Variants in MGMT observed in about 807,000 individuals in gnomAD.
MGMT encodes O-6-methylguanine-DNA methyltransferase.
MGMT carries 14 observed loss-of-function variants against 15.9 expected under a neutral mutation model. The observed-to-expected ratio is 0.88, with a 90% CI of 0.58 to 1.37. The LOEUF (loss-of-function observed/expected upper bound fraction) is 1.37, where lower values mean the gene tolerates loss of function less well. Ranked by LOEUF, MGMT falls within the 40% of genes most tolerant of loss-of-function variation. The pLI, the probability that MGMT is intolerant of heterozygous loss-of-function variation, is 0.00. For missense variants in MGMT, 282 were observed against 268.1 expected, an observed-to-expected ratio of 1.05 and a Z score of -0.36; for synonymous variants, 130 against 118.2, an observed-to-expected ratio of 1.10 and a Z score of -0.65.
intron 2 of MGMT, among the ~76,000 whole-genome samples, chr10:129,538,440 G>T: frequency 6.6e-6 from 1 of 152,220 alleles, no homozygotes; most frequent in South Asian, 2.1e-4. Context: ...TCCACTAGCA[G>T]TGTGTGAGTT....
chr10:129,736,662 G>A (rs1402078485), intron 3 of MGMT, among the ~76,000 whole-genome samples: 1 of 152,046 alleles, frequency 6.6e-6, no homozygotes, highest in African/African-American at 2.4e-5. Flanking sequence ...AGTCTTGATG[G>A]TCTACATTTT....
At chr10:129,590,131 C>T (rs1389374724) in intron 2 of MGMT, among the ~76,000 whole-genome samples, 1 of 152,190 alleles carries the variant, frequency 6.6e-6, no homozygotes, top group African/African-American at 2.4e-5. Flanking sequence ...GTTAGGCAGG[C>T]GGGGGCTCTG....
chr10:129,495,811 T>A (rs1476950185), intron 1 of MGMT, among the ~76,000 whole-genome samples: 1 of 152,238 alleles, frequency 6.6e-6, no homozygotes, highest in Non-Finnish European at 1.5e-5. Flanking sequence ...CAGAACTTCA[T>A]CAGGATGTAA....
intron 1 of MGMT, among the ~76,000 whole-genome samples, chr10:129,518,316 G>A (rs1845761608): frequency 1.6e-5 from 2 of 128,650 alleles, no homozygotes; most frequent in Admixed American, 7.9e-5. Flanking sequence ...TCTAAATGAT[G>A]TGTGTACAGA....
intron 2 of MGMT, among the ~76,000 whole-genome samples, chr10:129,679,717 A>G (rs1847826370): frequency 6.6e-6 from 1 of 152,194 alleles, no homozygotes; most frequent in African/African-American, 2.4e-5. Flanking sequence ...GCATTGGTGC[A>G]TTGAGGACTT....
chr10:129,750,252 A>G (rs1466818223), intron 3 of MGMT, among the ~76,000 whole-genome samples: 1 of 152,162 alleles, frequency 6.6e-6, no homozygotes, highest in Non-Finnish European at 1.5e-5. Flanking sequence ...TTTTAGATTT[A>G]GGTCCATGAT....
chr10:129,742,458 G>A (rs973186852), intron 3 of MGMT, among the ~76,000 whole-genome samples: 5 of 151,798 alleles, frequency 3.3e-5, no homozygotes, highest in East Asian at 1.9e-4. Context: ...CCTCAGGGCC[G>A]GGGCATTCAG....
At chr10:129,467,547 G>C (rs1164045134) in intron 1 of MGMT, 2 of 605,428 alleles carry the variant, frequency 3.3e-6, no homozygotes, top group East Asian at 1.4e-4. Context: ...GGCGGGGGTC[G>C]TGGCAGCCCC....
intron 2 of MGMT, among the ~76,000 whole-genome samples, chr10:129,678,783 T>G (rs990835407): frequency 4.6e-5 from 7 of 152,056 alleles, no homozygotes; most frequent in African/African-American, 1.7e-4. Context: ...AAGGGACTGT[T>G]AGGAAGAGCC....
intron 1 of MGMT, among the ~76,000 whole-genome samples, chr10:129,521,322 G>C (rs554657509): frequency 5.1e-4 from 77 of 152,254 alleles, no homozygotes; most frequent in Non-Finnish European, 7.6e-4. Context: ...TGCAGGGTGA[G>C]TTCAGGGAAG....
At chr10:129,609,504 C>T (rs977715593) in intron 2 of MGMT, among the ~76,000 whole-genome samples, 3 of 152,160 alleles carry the variant, frequency 2.0e-5, no homozygotes, top group Non-Finnish European at 2.9e-5. Context: ...TAACCCTAGG[C>T]GGTAGGTGTT....
chr10:129,661,397 C>G (rs774562184), intron 2 of MGMT, among the ~76,000 whole-genome samples: 28 of 152,142 alleles, frequency 1.8e-4, no homozygotes, highest in Non-Finnish European at 3.8e-4. Context: ...CTCATACTCT[C>G]AGCAGTAATA....
intron 2 of MGMT, among the ~76,000 whole-genome samples, chr10:129,628,857 C>T (rs1329002121): frequency 1.3e-5 from 2 of 152,146 alleles, no homozygotes; most frequent in East Asian, 1.9e-4. Context: ...TGGTTTTTCA[C>T]GAGACAGAAA....
chr10:129,504,251 T>A (rs1845603089), intron 1 of MGMT, among the ~76,000 whole-genome samples: 2 of 152,238 alleles, frequency 1.3e-5, no homozygotes, highest in Non-Finnish European at 2.9e-5. Context: ...GACAGTTTTG[T>A]TTATTGGACA....
chr10:129,646,113 C>A lies in MGMT; in HGVS notation c.126-61782C>A, dbSNP rs149210465. On this transcript the variant is annotated intron_variant, in intron 2 of 4. Transcript: ENST00000651593. ...TATGACATTTATAAGCCAGACACTG[C>A]GTTTGACTAATGTTGGCAAAGTCAC... Among the ~76,000 whole-genome samples the A allele has an allele frequency of 3.8e-3, 575 of 152,264 alleles. 3 individuals are homozygous for A. The highest frequency in any genetic ancestry group is 6.8e-3 in the Non-Finnish European group (464 of 68,018).
rs908337877 is a variant in MGMT, at chr10:129,516,482, C to T, written c.-12-19759C>T. On this transcript the variant is annotated intron_variant, in intron 1 of 4. Transcript: ENST00000651593. ...TACCCGGCATGGTGTTTCCAGAAAG[C>T]AGATGGGAGAGCTGTGTGATGAACA... Among the ~76,000 whole-genome samples, 6 of 152,096 alleles carry T rather than the reference C, an allele frequency of 3.9e-5. No individual in the cohort carries two copies. In the East Asian group the frequency reaches 1.2e-3, roughly 29 times the overall value.
intron 2 of MGMT, among the ~76,000 whole-genome samples, chr10:129,547,509 C>T (rs191536208): frequency 6.6e-6 from 1 of 152,268 alleles, no homozygotes; most frequent in East Asian, 1.9e-4. Context: ...CTTCTGCCGG[C>T]CTGGCAGCTA....
chr10:129,740,042 C>T (rs1848612642), intron 3 of MGMT, among the ~76,000 whole-genome samples: 1 of 152,200 alleles, frequency 6.6e-6, no homozygotes, highest in South Asian at 2.1e-4. Context: ...AATCAACAGT[C>T]ATTAAAGGGA....
chr10:129,635,744 C>T (rs948968720), intron 2 of MGMT, among the ~76,000 whole-genome samples: 1 of 152,200 alleles, frequency 6.6e-6, no homozygotes, highest in Non-Finnish European at 1.5e-5. Context: ...CTAGTGGTCA[C>T]CTATGTCTGT....
Sources: gnomAD v4.1 joint callset for allele counts (sites outside exome capture counted in the v4.1 genomes callset) on GRCh38, gnomAD v4.1.1 for gene constraint, MANE v1.5 for transcripts, NCBI Gene and HGNC (gene_info 2026-07-23, HGNC 2026-07-21) for gene names.